Variants in GNAS observed in about 807,000 individuals in gnomAD.
The protein encoded by GNAS is GNAS complex locus.
In GNAS, 8 loss-of-function variants were observed where a neutral mutation model predicts 54.5. That is an observed-to-expected ratio of 0.15 (90% CI 0.09 to 0.26). GNAS has a LOEUF of 0.26. Among genes scored for constraint, GNAS ranks in the 10% least tolerant of loss-of-function variants. The probability of loss-of-function intolerance (pLI) is 1.00; values close to 1 mark genes in which losing one functional copy is unlikely to be tolerated. For synonymous variants in GNAS, 204 were observed against 191.4 expected (o/e 1.07, Z -0.54); for missense variants, 170 against 529.8 (o/e 0.32, Z 6.67).
chr20:58,841,647 G>C lies in GNAS; in HGVS notation c.43+761G>C, dbSNP rs1408330621. On this transcript the variant is annotated intron_variant, in intron 1 of 12. Transcript: ENST00000306090. The surrounding 1 kb of genome is among the most constrained non-coding windows in gnomAD (Gnocchi z 5.0). The stretch of plus-strand genomic sequence containing the variant: ...GCCGGAGCTGACCTCTCCCGGCGGC[G>C]GGCGGTTAGGGGAAAGTACCTGGGG... The C allele has an allele frequency of 9.0e-7, 1 of 1,109,950 alleles. No individual in the cohort carries two copies. Among genetic ancestry groups the C allele is most frequent in the Non-Finnish European group, 1.1e-6 (1 of 910,214 alleles). 68.8% of individuals were successfully genotyped at this position (1,109,950 alleles called of 1,614,324 possible).
chr20:58,903,472 C>T (rs780419633), intron 3 of GNAS, 59 bp from the exon 4 acceptor site: 1 of 1,325,408 alleles, frequency 7.5e-7, no homozygotes. Context: ...TTTATGAAAG[C>T]AGTACTCCTA....
intron 1 of GNAS, among the ~76,000 whole-genome samples, chr20:58,870,129 A>T (rs1490246583): frequency 2.0e-5 from 3 of 152,216 alleles, no homozygotes; most frequent in Non-Finnish European, 4.4e-5. Flanking sequence ...CCCCATTCAT[A>T]TACACATTCT....
At chr20:58,877,070 G>A (rs1409699121) in intron 1 of GNAS, 1 of 152,230 alleles carries the variant, frequency 6.6e-6, no homozygotes, top group African/African-American at 2.4e-5. Context: ...GAGTGGAGGA[G>A]GAGGGTCATT....
chr20:58,878,073 T>C (rs540645534), intron 1 of GNAS, among the ~76,000 whole-genome samples: 2 of 152,330 alleles, frequency 1.3e-5, no homozygotes, highest in African/African-American at 2.4e-5. Context: ...TAGGGCCCTT[T>C]CCTGGCATGC....
chr20:58,839,977 G>T, upstream of GNAS: 2 of 967,952 alleles, frequency 2.1e-6, no homozygotes. Flanking sequence ...AAGGAGGTGA[G>T]GCTGGGACCT....
intron 1 of GNAS, among the ~76,000 whole-genome samples, chr20:58,869,564 A>C (rs1314645678): frequency 4.6e-5 from 7 of 152,174 alleles, no homozygotes; most frequent in Non-Finnish European, 2.9e-5. Flanking sequence ...CTACCTGGAG[A>C]AGTTAGCATT....
At position 58,878,785 on chromosome 20, in the gene GNAS, C is replaced by T. The variant is rs552911966; in HGVS notation, c.44-16827C>T. Among the ~76,000 whole-genome samples, 39 of 152,110 alleles carry T rather than the reference C, an allele frequency of 2.6e-4. No homozygotes were observed. The East Asian group carries it at 3.5e-3, about 14-fold the overall frequency. On this transcript the variant is annotated intron_variant, in intron 1 of 12. Coordinates refer to the GNAS transcript ENST00000306090. The stretch of plus-strand genomic sequence containing the variant: ...CCTTCTGGAAAGCAACATTAGGGTC[C>T]GGCAGTTCTGTCTGGAAGGAGGGAG...
At chr20:58,876,122 C>G (rs1283603998) in intron 1 of GNAS, among the ~76,000 whole-genome samples, 1 of 152,160 alleles carries the variant, frequency 6.6e-6, no homozygotes, top group Non-Finnish European at 1.5e-5. Context: ...AGATTGCCAT[C>G]TTGACTTGCC....
intron 1 of GNAS, chr20:58,854,599 C>A (rs1357925829): frequency 2.6e-6 from 4 of 1,540,942 alleles, no homozygotes; most frequent in Non-Finnish European, 8.7e-7. Context: ...GACTCCGGGG[C>A]GGCCCCTGAC....
chr20:58,853,708 G>C lies in GNAS; in HGVS notation c.43+12822G>C, dbSNP rs760775036. 1 of 1,613,870 alleles carries C rather than the reference G, an allele frequency of 6.2e-7. No homozygotes were observed. The highest frequency in any genetic ancestry group is 2.2e-5 in the East Asian group (1 of 44,876). Reference sequence around the variant, plus strand: ...GAGCCCGGAGCCTTCAGTGGTGCCAGACCAGGCCTGGGAGGATACAGCCCT... The same window carrying C: ...GAGCCCGGAGCCTTCAGTGGTGCCACACCAGGCCTGGGAGGATACAGCCCT... On this transcript the variant is annotated intron_variant, in intron 1 of 12. Transcript: ENST00000306090. The surrounding 1 kb of genome is among the most constrained non-coding windows in gnomAD (Gnocchi z 4.4).
chr20:58,854,967 G>A (rs2086396387), intron 1 of GNAS: 2 of 1,611,502 alleles, frequency 1.2e-6, no homozygotes, highest in Admixed American at 1.7e-5. Context: ...CTACGATGAA[G>A]GGGTGGCCAG....
chr20:58,895,477 G>A (rs2089956779), intron 1 of GNAS, 135 bp from the exon 2 acceptor site: 1 of 707,288 alleles, frequency 1.4e-6, no homozygotes, highest in Non-Finnish European at 2.6e-6. Context: ...GTCAAGGAAA[G>A]TTGCAAGTCT....
chr20:58,849,001 TTTAAA>T (rs1378022320), intron 1 of GNAS: 1 of 398,228 alleles, frequency 2.5e-6, no homozygotes, highest in Non-Finnish European at 4.4e-6. Context: ...TTAATTTATC[TTTAAA>T]TTAAGGCAAT....
intron 1 of GNAS, among the ~76,000 whole-genome samples, chr20:58,893,985 C>A (rs1229327441): frequency 6.6e-6 from 1 of 152,202 alleles, no homozygotes; most frequent in Non-Finnish European, 1.5e-5. Context: ...TTGCCTCTGG[C>A]CTAGGAATCT....
In GNAS at chr20:58,854,307, C is replaced by T. The variant is rs374029864; in HGVS notation, c.43+13421C>T. On this transcript the variant is annotated intron_variant, in intron 1 of 12. Coordinates refer to the GNAS transcript ENST00000306090. ...CTCCGGAGCCCCAGATAAGAGAGAG[C>T]GAGCAGAGAGACCCCCAGTTGAGGA... is the stretch of plus-strand genomic sequence containing the variant. 5.0e-6 allele frequency: 8 copies of T among 1,602,376 alleles called. 1 individual carries two copies. The highest frequency in any genetic ancestry group is 2.2e-5 in the South Asian group (2 of 89,052).
rs1049324871 is a variant in GNAS, at chr20:58,841,996, C to G, written c.43+1110C>G. 2.9e-5 allele frequency: 27 copies of G among 928,880 alleles called. No individual in the cohort carries two copies. In the African/African-American group the frequency reaches 3.9e-4, roughly 13 times the overall value. The allele number at this position is 928,880 out of a possible 1,614,324, so 57.5% of individuals were successfully genotyped here. A position where few individuals can be genotyped will look rare whatever the true frequency, so the allele number is the denominator to read the frequency against. On this transcript the variant is annotated intron_variant, in intron 1 of 12. Coordinates refer to the GNAS transcript ENST00000306090. The surrounding 1 kb of genome is among the most constrained non-coding windows in gnomAD (Gnocchi z 5.0). Reference sequence around the variant, plus strand: ...TGGGGAAAGGTGTTGGATCCGGCGCCAGTCCTTGGACGATCAGTCGTCGAA... The same window carrying G: ...TGGGGAAAGGTGTTGGATCCGGCGCGAGTCCTTGGACGATCAGTCGTCGAA...
chr20:58,899,873 G>A (rs2090451558), intron 3 of GNAS: 3 of 712,524 alleles, frequency 4.2e-6, no homozygotes, highest in South Asian at 1.5e-5. Flanking sequence ...TTCTGTGGCC[G>A]GGGAGGGGAG....
At chr20:58,895,930 C>G (rs750317337) in intron 2 of GNAS, among the ~76,000 whole-genome samples, 1 of 152,114 alleles carries the variant, frequency 6.6e-6, no homozygotes, top group Non-Finnish European at 1.5e-5. Flanking sequence ...CTCCCTATCC[C>G]AAGAAAATCG....
At chr20:58,846,030 G>A (rs2085927471) in intron 1 of GNAS, among the ~76,000 whole-genome samples, 1 of 152,194 alleles carries the variant, frequency 6.6e-6, no homozygotes, top group African/African-American at 2.4e-5. Flanking sequence ...CCAGGCAGCA[G>A]GGACAGAGGG....
Sources: gnomAD v4.1 joint callset for allele counts (sites outside exome capture counted in the v4.1 genomes callset) on GRCh38, gnomAD v4.1.1 for gene constraint, Gnocchi (gnomAD v3.1) non-coding constraint, MANE v1.5 for transcripts, NCBI Gene and HGNC (gene_info 2026-07-23, HGNC 2026-07-21) for gene names.